Variants in SYNJ1 observed in about 807,000 individuals in gnomAD.
SYNJ1 encodes the protein polyphosphatidylinositol phosphatase SYNJ1.
Under a neutral mutation model 168.2 loss-of-function variants are expected in SYNJ1, and 78 were observed. The ratio of observed to expected loss-of-function variants is 0.46; its 90% CI spans 0.39 to 0.56. The LOEUF is 0.56. SYNJ1 is among the 20% of genes least tolerant of loss of function. The pLI is 0.00. For synonymous variants in SYNJ1, 539 were observed against 548.6 expected (o/e 0.98, Z 0.24); for missense variants, 1,303 against 1,597.6 (o/e 0.82, Z 3.14).
chr21:32,685,413 C>A (rs372799193), intron 9 of SYNJ1, among the ~76,000 whole-genome samples: 35 of 143,412 alleles, frequency 2.4e-4, no homozygotes, highest in African/African-American at 8.6e-4. Context: ...ACAGGGAGAC[C>A]CCCGTCTCTA....
At chr21:32,682,371 T>C (rs1425357571) in intron 10 of SYNJ1, among the ~76,000 whole-genome samples, 1 of 152,232 alleles carries the variant, frequency 6.6e-6, no homozygotes, top group Non-Finnish European at 1.5e-5. Context: ...AATCTAGTCA[T>C]ATTCTATGCC....
At position 32,642,199 on chromosome 21, in the gene SYNJ1, C is replaced by T. The variant is rs112565367; in HGVS notation, c.3479-66G>A. 58 of 1,577,146 alleles carry T rather than the reference C, an allele frequency of 3.7e-5. 3 individuals carry two copies. The African/African-American group carries it at 4.6e-4, about 12-fold the overall frequency. On this transcript the variant is annotated intron_variant, in intron 27 of 32. Coordinates refer to ENST00000674351, the MANE Select transcript of SYNJ1 (RefSeq NM_203446.3). ...ACAATTAAGCAATATTGCATAACAT[C>T]AGCTTGCTGTTCTGCTTCATTACCA...
At chr21:32,632,328 C>T (rs904663556) in intron 32 of SYNJ1, among the ~76,000 whole-genome samples, 1 of 151,788 alleles carries the variant, frequency 6.6e-6, no homozygotes, top group African/African-American at 2.4e-5. Flanking sequence ...AAGACGAAGA[C>T]TCCATCTTTC....
intron 6 of SYNJ1, among the ~76,000 whole-genome samples, chr21:32,692,353 G>A (rs947455670): frequency 2.0e-5 from 3 of 151,876 alleles, no homozygotes; most frequent in African/African-American, 7.3e-5. Context: ...AAGGCAGGTG[G>A]ATCACCTGAG....
At chr21:32,680,302 A>G (rs1433422440) in intron 11 of SYNJ1, among the ~76,000 whole-genome samples, 1 of 152,182 alleles carries the variant, frequency 6.6e-6, no homozygotes, top group Non-Finnish European at 1.5e-5. Flanking sequence ...CTTGGAGACC[A>G]TGAATGGTCT....
chr21:32,655,307 A>G (rs767139648), intron 21 of SYNJ1, among the ~76,000 whole-genome samples: 28 of 152,166 alleles, frequency 1.8e-4, no homozygotes, highest in Non-Finnish European at 3.1e-4. Context: ...GTGGTTTGGC[A>G]TTTCTGTACT....
rs769974878 is a variant in SYNJ1, at chr21:32,666,498, A to G, written c.1887T>C (p.Ala629=). 1 of 1,614,178 alleles carries G rather than the reference A, an allele frequency of 6.2e-7. No individual in the cohort carries two copies. Among genetic ancestry groups the G allele is most frequent in the Non-Finnish European group, 8.5e-7 (1 of 1,180,012 alleles). The stretch of plus-strand genomic sequence containing the variant: ...AACAGACGCCCACCAACTGTTCAGA[A>G]GCCAGCAGCACATACTTGTTGTCTC... ...ISRDNKYVLL[A]SEQLVGVCLF... The change falls in exon 16 of 33, where the codon GCT becomes GCC. Residue 629 remains alanine, a synonymous_variant. Transcript: ENST00000674351.
chr21:32,664,644 C>T (rs563667570), intron 18 of SYNJ1, among the ~76,000 whole-genome samples: 5 of 152,256 alleles, frequency 3.3e-5, no homozygotes, highest in South Asian at 4.2e-4. Flanking sequence ...GAATTGCTCA[C>T]TCGGGGAGCT....
intron 18 of SYNJ1, among the ~76,000 whole-genome samples, chr21:32,661,643 A>C (rs553846944): frequency 2.6e-5 from 4 of 152,342 alleles, no homozygotes; most frequent in Admixed American, 2.0e-4. Context: ...AGTTCTGGAA[A>C]GGTGGAGCGA....
At chr21:32,671,021 T>C (rs2041165820) in intron 14 of SYNJ1, among the ~76,000 whole-genome samples, 1 of 152,068 alleles carries the variant, frequency 6.6e-6, no homozygotes, top group African/African-American at 2.4e-5. Context: ...AGAAAGAGCC[T>C]ATATGGCCAG....
intron 32 of SYNJ1, 92 bp downstream of exon 32, chr21:32,634,769 G>T: frequency 7.5e-7 from 1 of 1,341,446 alleles, no homozygotes; most frequent in Non-Finnish European, 1.0e-6. Flanking sequence ...TTTAAAAATG[G>T]GTGAAACTTT....
At chr21:32,676,408 A>G (rs758703262) in intron 12 of SYNJ1, 53 bp from the exon 13 acceptor site, 76 of 1,561,664 alleles carry the variant, frequency 4.9e-5, no homozygotes, top group Non-Finnish European at 5.9e-5. Context: ...ACAAGTTACA[A>G]TTAAAATGTT....
intron 2 of SYNJ1, among the ~76,000 whole-genome samples, chr21:32,709,053 C>A (rs2146286315): frequency 6.6e-6 from 1 of 152,312 alleles, no homozygotes; most frequent in Admixed American, 6.5e-5. Context: ...TAACAAGATT[C>A]ATTTTTCAAT....
In SYNJ1 at chr21:32,719,729, G is replaced by A. The variant is rs1238108641; in HGVS notation, c.124+7043C>T. On this transcript the variant is annotated intron_variant, in intron 2 of 32. Coordinates refer to ENST00000674351, the MANE Select transcript of SYNJ1 (RefSeq NM_203446.3). ...ACTCCATCTTAAAAAAAAAAAAAAAGAAAGAAAAAGAAAAGCTATTTAGTG... is the reference window on the plus strand; with the variant it reads ...ACTCCATCTTAAAAAAAAAAAAAAAAAAAGAAAAAGAAAAGCTATTTAGTG... 7.5e-4 allele frequency among the ~76,000 whole-genome samples: 110 copies of A among 146,954 alleles called. 1 individual carries two copies. Among genetic ancestry groups the A allele is most frequent in the African/African-American group, 2.6e-3 (104 of 40,124 alleles).
intron 5 of SYNJ1, 149 bp from the exon 6 acceptor site, chr21:32,694,460 C>T: frequency 1.9e-6 from 1 of 527,614 alleles, no homozygotes; most frequent in Non-Finnish European, 3.0e-6. Flanking sequence ...GGCCACTATA[C>T]AGGTTTGACT....
intron 1 of SYNJ1, among the ~76,000 whole-genome samples, chr21:32,727,267 C>A (rs903766937): frequency 6.6e-6 from 1 of 152,166 alleles, no homozygotes; most frequent in African/African-American, 2.4e-5. Context: ...GCTTCAAGAT[C>A]TGTCACTACG....
intron 7 of SYNJ1, 72 bp downstream of exon 7, chr21:32,688,234 A>C: frequency 7.0e-7 from 1 of 1,429,666 alleles, no homozygotes; most frequent in Non-Finnish European, 9.5e-7. Flanking sequence ...GTTTGAAGTG[A>C]ATCAGTAAAT....
At chr21:32,694,926 TA>T in intron 5 of SYNJ1, 130 bp downstream of exon 5, 1 of 1,012,640 alleles carries the variant, frequency 9.9e-7, no homozygotes. Context: ...GGCCCATAAG[TA>T]ACCAAGAACA....
At chr21:32,677,291 G>A (rs550171390) in intron 12 of SYNJ1, among the ~76,000 whole-genome samples, 1 of 152,194 alleles carries the variant, frequency 6.6e-6, no homozygotes, top group East Asian at 1.9e-4. Flanking sequence ...TTGCTTCCCA[G>A]CAAAATCATG....
Sources: gnomAD v4.1 joint callset for allele counts (sites outside exome capture counted in the v4.1 genomes callset) on GRCh38, gnomAD v4.1.1 for gene constraint, MANE v1.5 for transcripts, NCBI Gene and HGNC (gene_info 2026-07-23, HGNC 2026-07-21) for gene names.